Variants in MAP3K7CL observed in about 807,000 individuals in gnomAD.
MAP3K7CL encodes the protein MAP3K7 C-terminal like.
Under a neutral mutation model 18.6 loss-of-function variants are expected in MAP3K7CL, and 16 were observed. That is an observed-to-expected ratio of 0.86 (90% CI 0.58 to 1.31). The LOEUF (loss-of-function observed/expected upper bound fraction) is 1.31. Among genes scored for constraint, MAP3K7CL ranks in the 50% most tolerant of loss-of-function variants. MAP3K7CL has a pLI of 0.00. For missense variants in MAP3K7CL, 163 were observed against 174.4 expected (o/e 0.93, Z 0.37); for synonymous variants, 65 against 66.8 (o/e 0.97, Z 0.13).
At chr21:29,167,538 GT>G (rs11295373) in intron 4 of MAP3K7CL, among the ~76,000 whole-genome samples, 26,534 of 150,154 alleles carry the variant, frequency 0.18, 2,681 homozygotes, top group East Asian at 0.39. Context: ...GAGATTTTAA[GT>G]TTTTTTTTTT....
chr21:29,147,356 G>A (rs1413823703), intron 2 of MAP3K7CL, among the ~76,000 whole-genome samples: 1 of 151,792 alleles, frequency 6.6e-6, no homozygotes, highest in Non-Finnish European at 1.5e-5. Flanking sequence ...CTGTGTATGT[G>A]TACTGTATGT....
chr21:29,092,867 A>G (rs1166120599), intron 4 of MAP3K7CL, among the ~76,000 whole-genome samples: 2 of 152,110 alleles, frequency 1.3e-5, no homozygotes, highest in African/African-American at 4.8e-5. Context: ...ACTGATTACA[A>G]ATCTCTCCAA....
chr21:29,103,817 T>G (rs1381928067), intron 4 of MAP3K7CL, among the ~76,000 whole-genome samples: 1 of 152,088 alleles, frequency 6.6e-6, no homozygotes, highest in Non-Finnish European at 1.5e-5. Flanking sequence ...GAGGATTACT[T>G]GAGCCCAGAA....
chr21:29,160,742 C>A (rs1347720152), intron 4 of MAP3K7CL, among the ~76,000 whole-genome samples: 2 of 152,164 alleles, frequency 1.3e-5, no homozygotes, highest in African/African-American at 4.8e-5. Context: ...AACGAGATAT[C>A]TTGATTACTA....
upstream of MAP3K7CL, among the ~76,000 whole-genome samples, chr21:29,082,163 C>T (rs1888440): frequency 0.38 from 57,373 of 152,004 alleles, 12,175 homozygotes; most frequent in South Asian, 0.52. Flanking sequence ...TAAGTATTCT[C>T]TACTAATATT....
intron 2 of MAP3K7CL, among the ~76,000 whole-genome samples, chr21:29,140,362 A>G (rs527617343): frequency 2.6e-5 from 4 of 152,346 alleles, no homozygotes; most frequent in African/African-American, 9.6e-5. Context: ...GTGTTCATTG[A>G]GTACTAAGGA....
chr21:29,107,144 C>T (rs1048130414), intron 4 of MAP3K7CL, among the ~76,000 whole-genome samples: 1 of 151,982 alleles, frequency 6.6e-6, no homozygotes, highest in Non-Finnish European at 1.5e-5. Context: ...GGTGAATCCC[C>T]GTCTCTACTA....
Position 29,114,276 on chromosome 21 carries a change from C to T in MAP3K7CL, c.370+21695C>T, listed in dbSNP as rs141382455. On this transcript the variant is annotated intron_variant, in intron 4 of 6. Transcript: ENST00000286791. ...TAGAGGCAGGGTTTCGCCATGTTGA[C>T]CAGGCTGGTCTCGAACTCTTGGTCA... 5.3e-3 allele frequency among the ~76,000 whole-genome samples: 806 copies of T among 152,196 alleles called. 7 individuals carry two copies. Among genetic ancestry groups the T allele is most frequent in the African/African-American group, 0.018 (767 of 41,522 alleles).
At chr21:29,091,138 A>G (rs1317563317) in intron 1 of MAP3K7CL, among the ~76,000 whole-genome samples, 3 of 152,208 alleles carry the variant, frequency 2.0e-5, no homozygotes, top group Non-Finnish European at 2.9e-5. Flanking sequence ...ACCAGTGGCA[A>G]CTGTACTGGA....
rs1198908538 is a variant in MAP3K7CL at position 29,159,928 on chromosome 21, G to C, written c.133-13G>C. 1.9e-5 allele frequency: 31 copies of C among 1,604,252 alleles called. No homozygotes were observed. The highest frequency in any genetic ancestry group is 2.4e-5 in the Non-Finnish European group (28 of 1,172,414). On this transcript the variant is annotated splice_polypyrimidine_tract_variant and intron_variant, in intron 3 of 4. Transcript: ENST00000399928. ...CAAAGAAATGGACTAATTTCTTCTT[G>C]TTGTTTGTGAAGCCCCTGCCGCCTT...
chr21:29,140,939 G>A (rs939356044), intron 2 of MAP3K7CL, among the ~76,000 whole-genome samples: 2 of 151,970 alleles, frequency 1.3e-5, no homozygotes, highest in African/African-American at 4.8e-5. Flanking sequence ...CATGATACTC[G>A]GTTTCTTGTT....
upstream of MAP3K7CL, among the ~76,000 whole-genome samples, chr21:29,129,231 A>G (rs771509370): frequency 3.4e-4 from 52 of 152,328 alleles, no homozygotes; most frequent in Non-Finnish European, 5.9e-4. Context: ...TCTGTGTTGT[A>G]CATTCTATGG....
rs184045102 is a variant in MAP3K7CL at position 29,164,978 on chromosome 21, C to T, written c.248+4922C>T. 9.9e-4 allele frequency among the ~76,000 whole-genome samples: 150 copies of T among 152,058 alleles called. 1 individual carries two copies. The highest frequency in any genetic ancestry group is 1.8e-3 in the Admixed American group (28 of 15,270). ...ATTATAAGCATTTTTCTACAACATA[C>T]CTAGCTTTTTGTGTATGTAATATGA... On this transcript the variant is annotated intron_variant, in intron 4 of 4. Transcript: ENST00000399928.
At chr21:29,099,935 T>G (rs1026959919) in intron 4 of MAP3K7CL, among the ~76,000 whole-genome samples, 1 of 151,610 alleles carries the variant, frequency 6.6e-6, no homozygotes, top group South Asian at 2.1e-4. Flanking sequence ...TACAAAAAAT[T>G]AGCCGGGCGT....
chr21:29,123,066 T>C (rs1239476051), intron 4 of MAP3K7CL, among the ~76,000 whole-genome samples: 5 of 145,434 alleles, frequency 3.4e-5, no homozygotes, highest in Non-Finnish European at 6.0e-5. Flanking sequence ...TTTTTTTTTT[T>C]TTTTTTTTTT....
intron 3 of MAP3K7CL, among the ~76,000 whole-genome samples, chr21:29,158,130 T>C (rs2087452899): frequency 6.6e-6 from 1 of 152,202 alleles, no homozygotes; most frequent in Non-Finnish European, 1.5e-5. Flanking sequence ...ATTCAACAGC[T>C]TGGCTATGGT....
chr21:29,112,135 A>G (rs934566881), intron 4 of MAP3K7CL, among the ~76,000 whole-genome samples: 1 of 151,960 alleles, frequency 6.6e-6, no homozygotes, highest in African/African-American at 2.4e-5. Flanking sequence ...CATCTCTACT[A>G]AAATACAAAA....
At chr21:29,112,567 T>G (rs2086436961) in intron 4 of MAP3K7CL, among the ~76,000 whole-genome samples, 1 of 152,060 alleles carries the variant, frequency 6.6e-6, no homozygotes, top group South Asian at 2.1e-4. Flanking sequence ...GTTATTTTCT[T>G]TTTTCCCTTT....
intron 4 of MAP3K7CL, among the ~76,000 whole-genome samples, chr21:29,169,515 A>G (rs542450476): frequency 1.3e-5 from 2 of 152,312 alleles, no homozygotes; most frequent in Non-Finnish European, 1.5e-5. Flanking sequence ...CTAAATCCCT[A>G]TTTAAAAGTA....
Sources: allele counts gnomAD v4.1 joint callset (sites outside exome capture counted in the v4.1 genomes callset), GRCh38; gene constraint gnomAD v4.1.1; transcripts MANE v1.5; gene names NCBI Gene and HGNC (gene_info 2026-07-23, HGNC 2026-07-21).